Variants in MAPT observed in about 807,000 individuals in gnomAD.
The protein encoded by MAPT is microtubule-associated protein tau.
A neutral mutation model predicts 67.9 loss-of-function variants in MAPT; 34 were observed. That is an observed-to-expected ratio of 0.50 (90% confidence interval 0.38 to 0.67). The LOEUF (loss-of-function observed/expected upper bound fraction) is 0.67, where lower values mean the gene tolerates loss of function less well. Among genes scored for constraint, MAPT ranks in the 30% least tolerant of loss-of-function variants. The probability of loss-of-function intolerance (pLI) is 0.00; values close to 1 mark genes in which losing one functional copy is unlikely to be tolerated. For missense variants in MAPT, 881 were observed against 1,115.2 expected, an observed-to-expected ratio of 0.79 and a Z score of 2.99; for synonymous variants, 456 against 464.5, an observed-to-expected ratio of 0.98 and a Z score of 0.23.
At chr17:45,978,786 C>A (rs554862985) in intron 4 of MAPT, 2 of 221,824 alleles carry the variant, frequency 9.0e-6, no homozygotes, top group Admixed American at 5.2e-5. Flanking sequence ...GGGCAGATCA[C>A]CTGAGGTCAG....
intron 9 of MAPT, among the ~76,000 whole-genome samples, chr17:45,997,219 CG>C (rs1374180071): frequency 2.0e-5 from 3 of 152,166 alleles, no homozygotes; most frequent in Admixed American, 1.3e-4. Flanking sequence ...GCACAGACTT[CG>C]GGGGCCTGGC....
rs904621642 is a variant in MAPT at position 45,944,002 on chromosome 17, T to G, written c.-17-18319T>G. ...CAAAGCCTCTCCTACTGGCTCCTGC[T>G]TTTCTCCCTTAGGTCCAGCCTCCTC... On this transcript the variant is annotated intron_variant, in intron 1 of 12. Coordinates refer to ENST00000262410, the MANE Select transcript of MAPT (RefSeq NM_001377265.1). 2.6e-5 allele frequency among the ~76,000 whole-genome samples: 4 copies of G among 152,134 alleles called. No individual in the cohort carries two copies. In the South Asian group the frequency reaches 6.2e-4, roughly 24 times the overall value.
chr17:45,962,256 T>A, intron 1 of MAPT, 65 bp from the exon 2 acceptor site: 1 of 1,369,962 alleles, frequency 7.3e-7, no homozygotes, highest in South Asian at 1.2e-5. Flanking sequence ...GGCTCCTCTC[T>A]CTCTTCACCC....
rs1441634426 is a variant in MAPT at position 45,996,043 on chromosome 17, A to C, written c.1733-356A>C. Among the ~76,000 whole-genome samples the C allele has an allele frequency of 6.6e-6, 1 of 152,172 alleles. No individual in the cohort carries two copies. The highest frequency in any genetic ancestry group is 1.5e-5 in the Non-Finnish European group (1 of 68,028). ...TTCCATTTTCAAATTAAGGCCTCTG[A>C]GCTCAGAGAGGGGAAGTTACTTGTC... On this transcript the variant is annotated intron_variant, in intron 8 of 12. Transcript: ENST00000262410. The surrounding 1 kb of genome is among the most constrained non-coding windows in gnomAD (Gnocchi z 4.5).
chr17:45,937,092 G>C (rs947105763), intron 1 of MAPT, among the ~76,000 whole-genome samples: 3 of 152,154 alleles, frequency 2.0e-5, no homozygotes, highest in Non-Finnish European at 4.4e-5. Context: ...TCAGTGTGGC[G>C]CACATTTGAG....
Position 45,971,796 on chromosome 17 carries a change from T to G in MAPT, c.134-63T>G. On this transcript the variant is annotated intron_variant, in intron 2 of 12. Transcript: ENST00000262410. The surrounding 1 kb of genome is among the most constrained non-coding windows in gnomAD (Gnocchi z 4.3). ...CAGGACACTGCTCCCCAGTTCCTCCTGAGAACAAAAGGGGGCGCTGGGGAG... is the reference window on the plus strand; with the variant it reads ...CAGGACACTGCTCCCCAGTTCCTCCGGAGAACAAAAGGGGGCGCTGGGGAG... 2 of 1,207,052 alleles carry G rather than the reference T, an allele frequency of 1.7e-6. No individual in the cohort carries two copies. The highest frequency in any genetic ancestry group is 2.5e-6 in the Non-Finnish European group (2 of 809,936). 74.8% of individuals were successfully genotyped at this position (1,207,052 alleles called of 1,614,324 possible).
chr17:45,943,413 G>A (rs978774239), intron 1 of MAPT, among the ~76,000 whole-genome samples: 4 of 152,104 alleles, frequency 2.6e-5, no homozygotes, highest in African/African-American at 4.8e-5. Flanking sequence ...CCTCCAAGAC[G>A]GTGCTGAGCT....
At chr17:46,001,523 C>T (rs910714859) in intron 9 of MAPT, among the ~76,000 whole-genome samples, 3 of 152,166 alleles carry the variant, frequency 2.0e-5, no homozygotes, top group Admixed American at 6.5e-5. Context: ...CCTGGCTGGG[C>T]GCGGTGGCGC....
intron 1 of MAPT, among the ~76,000 whole-genome samples, chr17:45,914,242 C>T (rs1299315122): frequency 2.6e-5 from 3 of 113,260 alleles, no homozygotes; most frequent in Non-Finnish European, 7.1e-5. Context: ...CATCATGGGT[C>T]GGAGAGGAAG....
At chr17:45,998,756 A>G (rs1414198646) in intron 9 of MAPT, among the ~76,000 whole-genome samples, 2 of 152,000 alleles carry the variant, frequency 1.3e-5, no homozygotes, top group Non-Finnish European at 2.9e-5. Flanking sequence ...CACTGGGGAC[A>G]ATGCGCTCCC....
chr17:46,024,250 C>A lies in MAPT; in HGVS notation c.*79C>A. On this transcript the variant is annotated 3_prime_UTR_variant, in exon 13 of 13. Transcript: ENST00000262410. The stretch of plus-strand genomic sequence containing the variant: ...GAAAAAAAAAGAATAATGACCCGGC[C>A]CCCGCCCTCTGCCCCCAGCTGCTCC... 1 of 1,290,822 alleles carries A rather than the reference C, an allele frequency of 7.7e-7. No individual in the cohort carries two copies. Among genetic ancestry groups the A allele is most frequent in the Non-Finnish European group, 1.1e-6 (1 of 907,348 alleles). The allele number at this position is 1,290,822 out of a possible 1,614,324, so 80.0% of individuals were successfully genotyped here. A position where few individuals can be genotyped will look rare whatever the true frequency, so the allele number is the denominator to read the frequency against.
At chr17:45,941,550 T>C (rs944805454) in intron 1 of MAPT, among the ~76,000 whole-genome samples, 1 of 152,040 alleles carries the variant, frequency 6.6e-6, no homozygotes, top group Middle Eastern at 3.4e-3. Context: ...GTCTACACTC[T>C]TTGTGCTTCT....
chr17:46,018,597 CT>C lies in MAPT; in HGVS notation c.2174-19del. 3 of 1,516,106 alleles carry C rather than the reference CT, an allele frequency of 2.0e-6. No individual in the cohort carries two copies. The highest frequency in any genetic ancestry group is 2.8e-6 in the Non-Finnish European group (3 of 1,090,766). The allele number at this position is 1,516,106 out of a possible 1,614,324, so 93.9% of individuals were successfully genotyped here. A position where few individuals can be genotyped will look rare whatever the true frequency, so the allele number is the denominator to read the frequency against. On this transcript the variant is annotated intron_variant, in intron 11 of 12. Transcript: ENST00000262410. ...CCACAGAAGATGATGGCAAGATGCT[CT>C]TGTGTGTGTTGTGTTCTAGGAGGTG...
chr17:45,978,350 C>A (rs777951410), intron 3 of MAPT, 25 bp from the exon 4 acceptor site: 96 of 1,598,912 alleles, frequency 6.0e-5, no homozygotes, highest in Non-Finnish European at 8.1e-5. Flanking sequence ...TTTTACCCCC[C>A]TTCATTTGCT....
chr17:45,974,171 G>A (rs1233674784), intron 3 of MAPT: 3 of 593,188 alleles, frequency 5.1e-6, no homozygotes, highest in Non-Finnish European at 3.0e-6. Flanking sequence ...TGAGCTGGGC[G>A]GTTCATGAGC....
chr17:46,001,410 G>C (rs1207121335), intron 9 of MAPT, among the ~76,000 whole-genome samples: 1 of 151,924 alleles, frequency 6.6e-6, no homozygotes, highest in Non-Finnish European at 1.5e-5. Flanking sequence ...AAAGATAAGA[G>C]CAGAAATAAA....
chr17:45,956,577 TA>T (rs1568230701), intron 1 of MAPT, among the ~76,000 whole-genome samples: 136 of 6,280 alleles, frequency 0.022, 4 homozygotes, highest in Admixed American at 0.11. Context: ...TATATATATA[TA>T]TATATATATA....
At chr17:45,999,115 C>T (rs2074767992) in intron 9 of MAPT, 1 of 1,263,218 alleles carries the variant, frequency 7.9e-7, no homozygotes, top group Non-Finnish European at 1.1e-6. Flanking sequence ...GCCCTGTGTC[C>T]CATGGTGGGG....
chr17:45,946,615 A>AAAAAAAAAAAT, intron 1 of MAPT, among the ~76,000 whole-genome samples: 7 of 100,404 alleles, frequency 7.0e-5, no homozygotes, highest in African/African-American at 1.3e-4. Flanking sequence ...AAAAAAAAAA[A>AAAAAAAAAAAT]ATATATATAT....
Sources: gnomAD v4.1 joint callset for allele counts (sites outside exome capture counted in the v4.1 genomes callset) on GRCh38, gnomAD v4.1.1 for gene constraint, Gnocchi (gnomAD v3.1) non-coding constraint, MANE v1.5 for transcripts, NCBI Gene and HGNC (gene_info 2026-07-23, HGNC 2026-07-21) for gene names.